CTNNA2: variants seen among roughly 807,000 people sequenced by gnomAD.
The protein encoded by CTNNA2 is catenin alpha 2.
In CTNNA2, 42 loss-of-function variants were observed where a neutral mutation model predicts 101.0. The observed-to-expected ratio is 0.42, with a 90% confidence interval of 0.32 to 0.54. The LOEUF is 0.54. CTNNA2 is among the 20% of genes least tolerant of loss of function. The pLI is 0.14. For missense variants in CTNNA2, 871 were observed against 1,223.1 expected (o/e 0.71, Z 4.29); for synonymous variants, 450 against 456.4 (o/e 0.99, Z 0.18).
At chr2:79,272,940 A>G (rs1030192554) in intron 2 of CTNNA2, among the ~76,000 whole-genome samples, 5 of 152,070 alleles carry the variant, frequency 3.3e-5, no homozygotes, top group African/African-American at 1.2e-4. Context: ...AGACAATTGG[A>G]CAAACATTGG....
chr2:80,533,601 G>A (rs903417202), intron 9 of CTNNA2, among the ~76,000 whole-genome samples: 2 of 152,110 alleles, frequency 1.3e-5, no homozygotes, highest in African/African-American at 2.4e-5. Context: ...AGCACCGGAT[G>A]GTTCAGTGCA....
chr2:80,095,734 G>A (rs1253057339), intron 7 of CTNNA2, among the ~76,000 whole-genome samples: 1 of 152,132 alleles, frequency 6.6e-6, no homozygotes, highest in African/African-American at 2.4e-5. Flanking sequence ...AGTCTTGGGA[G>A]GGTGTATGTG....
chr2:80,004,306 A>G (rs1490014148), intron 7 of CTNNA2, among the ~76,000 whole-genome samples: 1 of 152,164 alleles, frequency 6.6e-6, no homozygotes, highest in Non-Finnish European at 1.5e-5. Flanking sequence ...AATGTGTGGT[A>G]TGCATGCTGT....
chr2:79,205,215 T>C (rs963793743), intron 2 of CTNNA2, among the ~76,000 whole-genome samples: 1 of 152,142 alleles, frequency 6.6e-6, no homozygotes, highest in Non-Finnish European at 1.5e-5. Context: ...GAAGACACCA[T>C]GCTGGAGAGA....
rs556178173 is a variant in CTNNA2, at chr2:80,412,575, G to A, written c.1138-6874G>A. On this transcript the variant is annotated intron_variant, in intron 8 of 18. Coordinates refer to ENST00000402739, the MANE Select transcript of CTNNA2 (RefSeq NM_001282597.3). ...TACCACTTCACCAAAAGGTGATTTG[G>A]TGACCATGAAAACTTATTCTATGTA... is the stretch of plus-strand genomic sequence containing the variant. Among the ~76,000 whole-genome samples, 4 of 152,210 alleles carry A rather than the reference G, an allele frequency of 2.6e-5. No homozygotes were observed. In the South Asian group the frequency reaches 8.3e-4, roughly 32 times the overall value.
In CTNNA2 at chr2:80,525,542, A is replaced by T. The variant is rs142115992; in HGVS notation, c.1291-19440A>T. Among the ~76,000 whole-genome samples the T allele has an allele frequency of 1.7e-3, 256 of 152,182 alleles. 1 individual carries two copies. Among genetic ancestry groups the T allele is most frequent in the African/African-American group, 5.6e-3 (233 of 41,532 alleles). Reference sequence around the variant, plus strand: ...CAGGCAAAAAAACAAACAACAACAAAAACCCTGAATTCAGCTAAGCCTGAC... The same window carrying T: ...CAGGCAAAAAAACAAACAACAACAATAACCCTGAATTCAGCTAAGCCTGAC... On this transcript the variant is annotated intron_variant, in intron 9 of 18. Coordinates refer to ENST00000402739, the MANE Select transcript of CTNNA2 (RefSeq NM_001282597.3).
chr2:80,213,600 C>A (rs1005285986), intron 7 of CTNNA2, among the ~76,000 whole-genome samples: 5 of 152,124 alleles, frequency 3.3e-5, no homozygotes, highest in African/African-American at 9.7e-5. Flanking sequence ...AATTTCTGTT[C>A]TTTTACATTT....
chr2:79,590,376 T>G (rs1009142629), intron 1 of CTNNA2, among the ~76,000 whole-genome samples: 3 of 152,240 alleles, frequency 2.0e-5, no homozygotes, highest in African/African-American at 7.2e-5. Context: ...TTTTCAAATA[T>G]GATGAAAATC....
chr2:79,264,485 T>C (rs1674965237), intron 2 of CTNNA2, among the ~76,000 whole-genome samples: 2 of 152,168 alleles, frequency 1.3e-5, no homozygotes, highest in African/African-American at 2.4e-5. Flanking sequence ...TATCTCCTCT[T>C]GATCATGAGA....
rs190772814 is a variant in CTNNA2, at chr2:79,659,428, A to G, written c.102+7770A>G. Among the ~76,000 whole-genome samples, 9 of 150,220 alleles carry G rather than the reference A, an allele frequency of 6.0e-5. No homozygotes were observed. The East Asian group carries it at 1.2e-3, about 19-fold the overall frequency. On this transcript the variant is annotated intron_variant, in intron 2 of 18. Coordinates refer to ENST00000402739, the MANE Select transcript of CTNNA2 (RefSeq NM_001282597.3). The stretch of plus-strand genomic sequence containing the variant: ...AAATGAATACATTTGGGTGGTTTCT[A>G]TGGTGGCACTACAGTGTTACCATAA...
intron 3 of CTNNA2, among the ~76,000 whole-genome samples, chr2:79,843,741 T>A (rs1397906672): frequency 1.3e-5 from 2 of 152,190 alleles, no homozygotes; most frequent in East Asian, 3.9e-4. Flanking sequence ...AAACGAACTT[T>A]CCCTTCATTG....
intron 2 of CTNNA2, among the ~76,000 whole-genome samples, chr2:79,224,024 T>C (rs1674378528): frequency 6.6e-6 from 1 of 152,244 alleles, no homozygotes; most frequent in Admixed American, 6.5e-5. Context: ...TAGGTTGAGA[T>C]AAAAGCATTC....
intron 18 of CTNNA2, among the ~76,000 whole-genome samples, chr2:80,629,201 AC>A (rs763092590): frequency 6.6e-6 from 1 of 151,908 alleles, no homozygotes; most frequent in Non-Finnish European, 1.5e-5. Flanking sequence ...TATCATGTCT[AC>A]CCCAAGGAAG....
chr2:79,517,073 TAG>T (rs1331689890), intron 1 of CTNNA2, among the ~76,000 whole-genome samples: 3 of 152,196 alleles, frequency 2.0e-5, no homozygotes, highest in Admixed American at 6.5e-5. Flanking sequence ...GTGATGAGGA[TAG>T]AGAGTCTAGG....
At chr2:79,228,333 C>T (rs1190268848) in intron 2 of CTNNA2, among the ~76,000 whole-genome samples, 1 of 152,224 alleles carries the variant, frequency 6.6e-6, no homozygotes, top group East Asian at 1.9e-4. Context: ...CTCAAAACTG[C>T]TTTCCACAAT....
chr2:80,646,393 A>G (rs1002812074), intron 18 of CTNNA2, among the ~76,000 whole-genome samples: 2 of 152,134 alleles, frequency 1.3e-5, no homozygotes, highest in African/African-American at 4.8e-5. Flanking sequence ...ACTATGCTCA[A>G]ACATCCCTGA....
At chr2:79,217,993 C>G (rs1164209021) in intron 2 of CTNNA2, among the ~76,000 whole-genome samples, 1 of 152,164 alleles carries the variant, frequency 6.6e-6, no homozygotes, top group East Asian at 1.9e-4. Flanking sequence ...GAATGAACAT[C>G]TACATAATAA....
intron 7 of CTNNA2, among the ~76,000 whole-genome samples, chr2:80,076,821 T>G (rs921123691): frequency 1.3e-5 from 2 of 152,080 alleles, no homozygotes; most frequent in African/African-American, 2.4e-5. Flanking sequence ...CTTTAAAAAG[T>G]TAGAGACCCA....
At chr2:79,435,835 C>T (rs370512732) in intron 4 of CTNNA2, among the ~76,000 whole-genome samples, 2 of 152,032 alleles carry the variant, frequency 1.3e-5, no homozygotes, top group East Asian at 3.9e-4. Context: ...TAGCCTCATC[C>T]GAGTGAACTG....
Sources: allele counts gnomAD v4.1 joint callset (sites outside exome capture counted in the v4.1 genomes callset), GRCh38; gene constraint gnomAD v4.1.1; transcripts MANE v1.5; gene names NCBI Gene and HGNC (gene_info 2026-07-23, HGNC 2026-07-21).